The following MYO18B variants were observed in gnomAD, a reference collection of about 807,000 sequenced individuals.
The protein encoded by MYO18B is myosin XVIIIB.
In MYO18B, 204 loss-of-function variants were observed where a neutral mutation model predicts 273.0. The observed-to-expected ratio is 0.75, with a 90% CI of 0.67 to 0.84. MYO18B has a LOEUF of 0.84. MYO18B is among the 40% of genes least tolerant of loss of function. MYO18B has a pLI of 0.00. For missense variants in MYO18B, 3,212 were observed against 3,287.6 expected (o/e 0.98, Z 0.56); for synonymous variants, 1,330 against 1,305.7 (o/e 1.02, Z -0.40).
At chr22:25,778,944 C>G (rs1176467965) in intron 8 of MYO18B, among the ~76,000 whole-genome samples, 3 of 152,110 alleles carry the variant, frequency 2.0e-5, no homozygotes, top group Non-Finnish European at 4.4e-5. Context: ...CAAACCCAGG[C>G]CTACTGGCTG....
chr22:25,770,361 A>G (rs993349874), intron 5 of MYO18B, among the ~76,000 whole-genome samples, 185 bp downstream of exon 5: 2 of 152,202 alleles, frequency 1.3e-5, no homozygotes, highest in Admixed American at 6.5e-5. Flanking sequence ...TAACTCACTA[A>G]TGCAACAAGC....
At position 25,997,128 on chromosome 22, in the gene MYO18B, G is replaced by A. The variant is rs931438738; in HGVS notation, c.6287+4635G>A. Among the ~76,000 whole-genome samples, 11 of 151,696 alleles carry A rather than the reference G, an allele frequency of 7.3e-5. 1 individual carries two copies. Among genetic ancestry groups the A allele is most frequent in the African/African-American group, 1.9e-4 (8 of 41,256 alleles). On this transcript the variant is annotated intron_variant, in intron 40 of 43. Transcript: ENST00000335473. ...ACTTGAGGTCAGGAGTTCGAGCCCC[G>A]CCTGGCCAACATGGTGAAACCCTGT...
chr22:25,832,672 C>G (rs1023122943), intron 15 of MYO18B, among the ~76,000 whole-genome samples: 2 of 152,164 alleles, frequency 1.3e-5, no homozygotes, highest in South Asian at 4.1e-4. Flanking sequence ...GAAGAAAGTT[C>G]TGGAGATGGT....
In MYO18B at chr22:25,883,563, A is replaced by T. The variant is rs2091407967; in HGVS notation, c.4314+5515A>T. ...CATTAGGCCAGAGAACAGCTAGAAG[A>T]TATCTTCTTCCATGTGCATCTGCTT... On this transcript the variant is annotated intron_variant, in intron 25 of 43. Transcript: ENST00000335473. The surrounding 1 kb of genome is among the most constrained non-coding windows in gnomAD (Gnocchi z 7.6). The T allele has an allele frequency of 6.6e-6, 1 of 152,280 alleles. No individual in the cohort carries two copies. The highest frequency in any genetic ancestry group is 2.1e-4 in the South Asian group (1 of 4,820). The allele number at this position is 152,280 out of a possible 1,614,324, so 9.4% of individuals were successfully genotyped here.
chr22:25,887,785 A>G (rs148456223), intron 25 of MYO18B, among the ~76,000 whole-genome samples: 162 of 152,246 alleles, frequency 1.1e-3, no homozygotes, highest in African/African-American at 3.8e-3. Context: ...CATTTCCCCC[A>G]ATTTGAAAAG....
At chr22:26,038,293 C>T in the MYO18B span, among the ~76,000 whole-genome samples, 1 of 152,116 alleles carries the variant, frequency 6.6e-6, no homozygotes, top group Non-Finnish European at 1.5e-5. Flanking sequence ...TCCTGAGTGG[C>T]CCAAATTCTG....
At chr22:25,874,148 C>T (rs1601424655) in intron 22 of MYO18B, 138 bp from the exon 23 acceptor site, 2 of 987,664 alleles carry the variant, frequency 2.0e-6, no homozygotes, top group African/African-American at 1.6e-5. Flanking sequence ...TAGACTCCCC[C>T]ACCTCCCACT....
intron 34 of MYO18B, among the ~76,000 whole-genome samples, chr22:25,923,480 A>G (rs1177861419): frequency 1.3e-5 from 2 of 152,250 alleles, no homozygotes; most frequent in African/African-American, 4.8e-5. Context: ...CCCATTTTAC[A>G]GATGAGAAAA....
intron 10 of MYO18B, among the ~76,000 whole-genome samples, chr22:25,784,239 C>A (rs2087283209): frequency 6.6e-6 from 1 of 152,206 alleles, no homozygotes; most frequent in South Asian, 2.1e-4. Flanking sequence ...TTTCCCAGTA[C>A]CTAGCCCAGG....
At position 25,955,252 on chromosome 22, in the gene MYO18B, C is replaced by G; in HGVS notation, c.6044C>G (p.Ser2015Cys). Residue 2015 changes from serine to cysteine, a missense_variant, in exon 39 of 44, where the codon TCC (serine) becomes TGC (cysteine). Ser to Cys is a moderately radical substitution (Grantham distance 112, BLOSUM62 -1). Coordinates refer to ENST00000335473, the MANE Select transcript of MYO18B (RefSeq NM_032608.7). ...EELSQAATSE[S>C]QQRESSQYYQ... is the part of the protein sequence containing the mutation. ...CTTTCACAGGCGGCCACCTCCGAGT[C>G]CCAGCAGCGGGAGAGCAGCCAGTAC... The G allele has an allele frequency of 6.2e-7, 1 of 1,613,734 alleles. No individual in the cohort carries two copies. Among genetic ancestry groups the G allele is most frequent in the South Asian group, 1.1e-5 (1 of 91,000 alleles).
chr22:26,034,912 G>T (rs895241529), downstream of MYO18B, among the ~76,000 whole-genome samples: 2 of 152,220 alleles, frequency 1.3e-5, no homozygotes, highest in Non-Finnish European at 2.9e-5. Context: ...CCTGAGCACG[G>T]TTGCAGGCAC....
chr22:26,039,431 G>A, the MYO18B span, among the ~76,000 whole-genome samples: 395 of 151,978 alleles, frequency 2.6e-3, 8 homozygotes, highest in Non-Finnish European at 5.0e-4. Flanking sequence ...TATTTTTTGA[G>A]CATCCACTCA....
chr22:25,988,956 G>A (rs1039250137), intron 39 of MYO18B, among the ~76,000 whole-genome samples: 8 of 152,168 alleles, frequency 5.3e-5, no homozygotes, highest in African/African-American at 1.9e-4. Context: ...TTATGATATT[G>A]TGGATTTGAC....
intron 35 of MYO18B, 71 bp from the exon 36 acceptor site, chr22:25,947,641 T>C (rs903901250): frequency 8.6e-7 from 1 of 1,169,264 alleles, no homozygotes; most frequent in African/African-American, 1.5e-5. Flanking sequence ...CCCTCTTTGC[T>C]CTTCCTCTGG....
rs12106587 is a variant in MYO18B at position 25,792,265 on chromosome 22, C to T, written c.2377-5688C>T. 9.9e-3 allele frequency among the ~76,000 whole-genome samples: 1,501 copies of T among 152,224 alleles called. 19 individuals carry two copies. The highest frequency in any genetic ancestry group is 0.034 in the African/African-American group (1,392 of 41,544). The stretch of plus-strand genomic sequence containing the variant: ...TGGTTGGAGAGACCTATGCCTGCCT[C>T]GTGGGGAAAAAGCACCCAGTACAAC... On this transcript the variant is annotated intron_variant, in intron 11 of 43. Coordinates refer to ENST00000335473, the MANE Select transcript of MYO18B (RefSeq NM_032608.7).
At chr22:25,778,829 G>C (rs778027366) in intron 8 of MYO18B, among the ~76,000 whole-genome samples, 8 of 150,860 alleles carry the variant, frequency 5.3e-5, no homozygotes, top group Non-Finnish European at 1.2e-4. Flanking sequence ...AGCCCTATAA[G>C]GTAGGTATTA....
chr22:25,862,860 A>C (rs1482549089), intron 21 of MYO18B, among the ~76,000 whole-genome samples: 2 of 151,210 alleles, frequency 1.3e-5, no homozygotes, highest in Non-Finnish European at 1.5e-5. Flanking sequence ...GGGGGGTGTC[A>C]AATTTGGGAA....
rs567954152 is a variant in MYO18B, at chr22:26,019,773, C to T, written c.6471-6672C>T. The stretch of plus-strand genomic sequence containing the variant: ...ACAGCACGCTTTGGGGGATGATTCA[C>T]GGTGTCATTAAATCTGCATTGAGTT... On this transcript the variant is annotated intron_variant, in intron 42 of 43. Coordinates refer to ENST00000335473, the MANE Select transcript of MYO18B (RefSeq NM_032608.7). Among the ~76,000 whole-genome samples, 4 of 152,266 alleles carry T rather than the reference C, an allele frequency of 2.6e-5. No homozygotes were observed. The South Asian group carries it at 6.2e-4, about 24-fold the overall frequency.
intron 34 of MYO18B, among the ~76,000 whole-genome samples, chr22:25,932,378 CTCTTT>C (rs995392110): frequency 1.1e-4 from 17 of 149,624 alleles, no homozygotes; most frequent in African/African-American, 2.7e-4. Flanking sequence ...TTCCTTCTTT[CTCTTT>C]TCTTTTCTTT....
Sources: gnomAD v4.1 joint callset for allele counts (sites outside exome capture counted in the v4.1 genomes callset) on GRCh38, gnomAD v4.1.1 for gene constraint, Gnocchi (gnomAD v3.1) non-coding constraint, MANE v1.5 for transcripts, NCBI Gene and HGNC (gene_info 2026-07-23, HGNC 2026-07-21) for gene names.